Variants in FRRS1L observed in about 807,000 individuals in gnomAD.
FRRS1L encodes ferric chelate reductase 1 like.
Under a neutral mutation model 28.6 loss-of-function variants are expected in FRRS1L, and 22 were observed. The ratio of observed to expected loss-of-function variants is 0.77; its 90% CI spans 0.55 to 1.10. The LOEUF is 1.10. FRRS1L is among the 50% of genes least tolerant of loss of function. The pLI is 0.00. For synonymous variants in FRRS1L, 158 were observed against 151.4 expected (o/e 1.04, Z -0.32); for missense variants, 380 against 386.9 (o/e 0.98, Z 0.15).
chr9:109,157,316 T>A (rs10979718), intron 1 of FRRS1L, among the ~76,000 whole-genome samples: 48,471 of 152,104 alleles, frequency 0.32, 8,100 homozygotes, highest in Middle Eastern at 0.37. Flanking sequence ...AAGAGTATGA[T>A]TCTGTATTTG....
In FRRS1L at chr9:109,147,137, G is replaced by A. The variant is rs200912119; in HGVS notation, c.376C>T (p.Arg126Trp). 18 of 1,612,734 alleles carry A rather than the reference G, an allele frequency of 1.1e-5. No individual in the cohort carries two copies. Among genetic ancestry groups the A allele is most frequent in the Admixed American group, 8.3e-5 (5 of 60,014 alleles). ...AATTCTACATCAGCCCCTATCATCC[G>A]GTAGCTGAGGAAATAGTCACAGGTC... ...AETCDYFLSY[R>W]MIGADVEFEL... Residue 126 changes from arginine (R) to tryptophan (W), a missense_variant, in exon 3 of 5, where the codon CGG becomes TGG. By Grantham distance (101) the Arg-to-Trp change is moderately radical (BLOSUM62 -3). Coordinates refer to ENST00000561981, the MANE Select transcript of FRRS1L (RefSeq NM_014334.4).
chr9:109,142,759 T>G (rs1301699059), intron 3 of FRRS1L, among the ~76,000 whole-genome samples: 1 of 151,794 alleles, frequency 6.6e-6, no homozygotes, highest in Admixed American at 6.6e-5. Context: ...GTGAGTCTTG[T>G]TTGTGCCACT....
intron 1 of FRRS1L, among the ~76,000 whole-genome samples, chr9:109,156,448 G>A (rs7861156): frequency 1.2e-3 from 182 of 152,246 alleles, no homozygotes; most frequent in African/African-American, 4.2e-3. Context: ...GAGTGCAGTG[G>A]CACGATCTCG....
intron 3 of FRRS1L, among the ~76,000 whole-genome samples, chr9:109,146,288 T>C (rs184728756): frequency 1.0e-3 from 154 of 152,284 alleles, no homozygotes; most frequent in Non-Finnish European, 1.9e-3. Context: ...CTCCAGGAGA[T>C]TAACTGAACA....
chr9:109,163,338 T>C (rs1209411034), intron 1 of FRRS1L, among the ~76,000 whole-genome samples: 1 of 152,166 alleles, frequency 6.6e-6, no homozygotes, highest in Non-Finnish European at 1.5e-5. Context: ...CACGGCAGAC[T>C]GTGTGCTGTG....
intron 1 of FRRS1L, among the ~76,000 whole-genome samples, chr9:109,160,465 C>CAGTGGTATGAACATGGCTAACTGT (rs11268890): frequency 6.6e-6 from 1 of 151,932 alleles, no homozygotes; most frequent in Non-Finnish European, 1.5e-5. Flanking sequence ...GACTGGAGCA[C>CAGTGGTATGAACATGGCTAACTGT]AGCCTCGACC....
At chr9:109,144,139 C>A (rs1831223660) in intron 3 of FRRS1L, among the ~76,000 whole-genome samples, 1 of 152,122 alleles carries the variant, frequency 6.6e-6, no homozygotes, top group Non-Finnish European at 1.5e-5. Context: ...TGCTGTTTCT[C>A]CTGCTGCCTC....
At chr9:109,165,586 C>A (rs142212307) in intron 1 of FRRS1L, among the ~76,000 whole-genome samples, 1 of 152,214 alleles carries the variant, frequency 6.6e-6, no homozygotes, top group Non-Finnish European at 1.5e-5. Context: ...CTACTTAATA[C>A]ATTTCCCCAA....
chr9:109,132,009 T>C lies in FRRS1L; in HGVS notation c.*5446A>G, dbSNP rs1831063845. 6.6e-6 allele frequency: 1 copy of C among 150,922 alleles called. No homozygotes were observed. The highest frequency in any genetic ancestry group is 2.1e-4 in the South Asian group (1 of 4,778). 9.3% of individuals were successfully genotyped at this position (150,922 alleles called of 1,614,324 possible). ...TTATTTTTTAGACGGAGTCTTGCTCTGTTACCCAGGCTGGAGTGCAGAGGG... is the reference window on the plus strand; with the variant it reads ...TTATTTTTTAGACGGAGTCTTGCTCCGTTACCCAGGCTGGAGTGCAGAGGG... On this transcript the variant is annotated 3_prime_UTR_variant, in exon 5 of 5. Coordinates refer to ENST00000561981, the MANE Select transcript of FRRS1L (RefSeq NM_014334.4).
intron 1 of FRRS1L, among the ~76,000 whole-genome samples, chr9:109,166,028 T>C (rs1831543838): frequency 6.6e-6 from 1 of 152,256 alleles, no homozygotes; most frequent in African/African-American, 2.4e-5. Context: ...GCTTGTTGTA[T>C]ACAGCTGAAC....
intron 1 of FRRS1L, among the ~76,000 whole-genome samples, chr9:109,165,998 T>A (rs1045589971): frequency 1.4e-4 from 22 of 152,242 alleles, no homozygotes; most frequent in Admixed American, 6.5e-5. Context: ...ACTTCTATCT[T>A]GTTGAAGCTA....
chr9:109,164,263 G>C (rs112787244), intron 1 of FRRS1L, among the ~76,000 whole-genome samples: 19 of 152,174 alleles, frequency 1.2e-4, no homozygotes, highest in African/African-American at 4.6e-4. Context: ...AACTGTCAGA[G>C]AGAAGAGGGT....
At chr9:109,157,661 T>C (rs1485202558) in intron 1 of FRRS1L, among the ~76,000 whole-genome samples, 1 of 152,204 alleles carries the variant, frequency 6.6e-6, no homozygotes, top group Admixed American at 6.5e-5. Flanking sequence ...TTTAAAAATG[T>C]GTTTGATTTT....
rs781029868 is a variant in FRRS1L at position 109,141,575 on chromosome 9, G to A, written c.477C>T (p.Val159=). ...SSDKKMGGDD[V]MACVHDDNGR... ...CATTGTCATCATGGACGCAGGCCAT[G>A]ACATCATCACCACCCTAACATGAGA... Residue 159 remains valine (V), a synonymous_variant, in exon 4 of 5, where the codon GTC becomes GTT. Coordinates refer to ENST00000561981, the MANE Select transcript of FRRS1L (RefSeq NM_014334.4). The A allele has an allele frequency of 6.2e-6, 10 of 1,612,648 alleles. No individual in the cohort carries two copies. Among genetic ancestry groups the A allele is most frequent in the East Asian group, 2.2e-5 (1 of 44,856 alleles).
Position 109,136,374 on chromosome 9 carries a change from CCT to C in FRRS1L, c.*1079_*1080del, listed in dbSNP as rs1491123066. 1 of 150,894 alleles carries C rather than the reference CCT, an allele frequency of 6.6e-6. No homozygotes were observed. The highest frequency in any genetic ancestry group is 1.5e-5 in the Non-Finnish European group (1 of 67,810). 9.3% of individuals were successfully genotyped at this position (150,894 alleles called of 1,614,324 possible). ...TTCAAATTCTAACTGCTAAGAATTC[CCT>C]TTTTTTTTTTTTTTAATATCATTAA... On this transcript the variant is annotated 3_prime_UTR_variant, in exon 5 of 5. Coordinates refer to ENST00000561981, the MANE Select transcript of FRRS1L (RefSeq NM_014334.4).
chr9:109,163,635 T>A (rs1476907450), intron 1 of FRRS1L, among the ~76,000 whole-genome samples: 1 of 152,114 alleles, frequency 6.6e-6, no homozygotes, highest in African/African-American at 2.4e-5. Context: ...GTCAGTAGGC[T>A]CTCTCTCAGT....
intron 1 of FRRS1L, among the ~76,000 whole-genome samples, chr9:109,158,602 G>A (rs1831439575): frequency 6.6e-6 from 1 of 152,136 alleles, no homozygotes; most frequent in Non-Finnish European, 1.5e-5. Flanking sequence ...GTGGTCTTTT[G>A]TGTCTGACCT....
chr9:109,161,694 C>T (rs1588104676), intron 1 of FRRS1L, among the ~76,000 whole-genome samples: 1 of 152,162 alleles, frequency 6.6e-6, no homozygotes, highest in Non-Finnish European at 1.5e-5. Flanking sequence ...CTATTTATTG[C>T]TTCTAATTAA....
chr9:109,167,130 C>G lies in FRRS1L; in HGVS notation c.9G>C (p.Arg3=), dbSNP rs1254015489. Residue 3 remains arginine (R), a synonymous_variant, in exon 1 of 5, where the codon CGG becomes CGC. Transcript: ENST00000561981. ...AGACCCCCGGGTGCTGCCGGGGCGG[C>G]CGCGCCATCCGTGCGCACAGATCCC... The part of the protein sequence containing the change: MA[R]PPRQHPGVWA... 8.6e-7 allele frequency: 1 copy of G among 1,159,932 alleles called. No homozygotes were observed. Among genetic ancestry groups the G allele is most frequent in the South Asian group, 3.6e-5 (1 of 28,154 alleles). 71.9% of individuals were successfully genotyped at this position (1,159,932 alleles called of 1,614,324 possible). A position where few individuals can be genotyped will look rare whatever the true frequency, so the allele number is the denominator to read the frequency against.
Sources: allele counts gnomAD v4.1 joint callset (sites outside exome capture counted in the v4.1 genomes callset), GRCh38; gene constraint gnomAD v4.1.1; transcripts MANE v1.5; gene names NCBI Gene and HGNC (gene_info 2026-07-23, HGNC 2026-07-21).